The following PRR5L variants were observed in gnomAD, a reference collection of about 807,000 sequenced individuals.
PRR5L encodes proline rich 5 like.
Under a neutral mutation model 36.4 loss-of-function variants are expected in PRR5L, and 21 were observed. The observed-to-expected ratio is 0.58, with a 90% CI of 0.41 to 0.83. The LOEUF (loss-of-function observed/expected upper bound fraction) is 0.83. Ranked by LOEUF, PRR5L falls within the 40% of genes least tolerant of loss-of-function variation. PRR5L has a pLI of 0.00. For synonymous variants in PRR5L, 188 were observed against 197.0 expected (o/e 0.95, Z 0.38); for missense variants, 381 against 473.3 (o/e 0.80, Z 1.81).
intron 1 of PRR5L, among the ~76,000 whole-genome samples, chr11:36,397,676 C>T (rs1042903345): frequency 2.0e-5 from 3 of 151,850 alleles, no homozygotes; most frequent in African/African-American, 4.8e-5. Context: ...AGGCTGATCT[C>T]GAACTCCTGA....
At chr11:36,397,443 CTTTTTTTT>C (rs34024197) in intron 1 of PRR5L, among the ~76,000 whole-genome samples, 2 of 35,076 alleles carry the variant, frequency 5.7e-5, no homozygotes, top group Admixed American at 5.7e-4. Context: ...CAGCCGATGC[CTTTTTTTT>C]TTTTTTTTTT....
In PRR5L at chr11:36,379,906, A is replaced by G. The variant is rs569093765; in HGVS notation, c.-125-21091A>G. 1.0e-3 allele frequency among the ~76,000 whole-genome samples: 154 copies of G among 152,268 alleles called. 1 individual carries two copies. The highest frequency in any genetic ancestry group is 6.8e-3 in the Middle Eastern group (2 of 294). ...TGGTATTTGCGCCTCCCAACAACTC[A>G]GGTAGGAAGGTATTATTTTCTCTAT... On this transcript the variant is annotated intron_variant, in intron 1 of 8. Coordinates refer to ENST00000530639, the MANE Select transcript of PRR5L (RefSeq NM_001160167.2).
chr11:36,407,447 A>G (rs754963048), intron 3 of PRR5L, among the ~76,000 whole-genome samples: 4 of 152,216 alleles, frequency 2.6e-5, no homozygotes, highest in Non-Finnish European at 4.4e-5. Flanking sequence ...CTCACTTTGA[A>G]CTAGAGAGTC....
chr11:36,440,746 A>T (rs1043035189), intron 6 of PRR5L, among the ~76,000 whole-genome samples: 5 of 152,204 alleles, frequency 3.3e-5, no homozygotes, highest in Admixed American at 1.3e-4. Flanking sequence ...TGTAGGCTGA[A>T]CAAGAAGTGT....
chr11:36,353,018 C>G (rs1211224574), intron 1 of PRR5L, among the ~76,000 whole-genome samples: 1 of 152,186 alleles, frequency 6.6e-6, no homozygotes, highest in Non-Finnish European at 1.5e-5. Context: ...CAGACAGAGT[C>G]TTGCTCTGTC....
At chr11:36,388,698 C>CTTTTTTTTTT (rs36056659) in intron 1 of PRR5L, among the ~76,000 whole-genome samples, 16 of 109,142 alleles carry the variant, frequency 1.5e-4, no homozygotes, top group African/African-American at 3.6e-4. Flanking sequence ...CTCTTTCTTT[C>CTTTTTTTTTT]TTTTTTTTTT....
chr11:36,342,069 G>C (rs534940167), intron 1 of PRR5L, among the ~76,000 whole-genome samples: 1 of 152,236 alleles, frequency 6.6e-6, no homozygotes, highest in Non-Finnish European at 1.5e-5. Flanking sequence ...GTTTCTGAAC[G>C]TCTTGATGGA....
intron 1 of PRR5L, among the ~76,000 whole-genome samples, chr11:36,302,356 G>T (rs1382193999): frequency 6.6e-6 from 1 of 152,198 alleles, no homozygotes; most frequent in Admixed American, 6.5e-5. Context: ...GGAACAAAAA[G>T]ACATTTAACG....
At position 36,376,396 on chromosome 11, in the gene PRR5L, G is replaced by A; in HGVS notation, c.-125-24601G>A. On this transcript the variant is annotated intron_variant, in intron 1 of 8. Transcript: ENST00000530639. ...AGGAGGCGGCCGTAAGATGAGAGAG[G>A]AGGGAAACGTGTCACCAGCCCGGCT... 2.6e-6 allele frequency: 3 copies of A among 1,160,176 alleles called. No individual in the cohort carries two copies. The African/African-American group carries it at 4.9e-5, about 19-fold the overall frequency. 71.9% of individuals were successfully genotyped at this position (1,160,176 alleles called of 1,614,324 possible).
At position 36,336,567 on chromosome 11, in the gene PRR5L, C is replaced by T. The variant is rs117047800; in HGVS notation, c.-126+40129C>T. Among the ~76,000 whole-genome samples, 1,261 of 144,060 alleles carry T rather than the reference C, an allele frequency of 8.8e-3. 15 individuals are homozygous for T. The highest frequency in any genetic ancestry group is 0.032 in the Middle Eastern group (9 of 282). The allele number at this position is 144,060 out of a possible 152,430, so 94.5% of individuals were successfully genotyped here. A position where few individuals can be genotyped will look rare whatever the true frequency, so the allele number is the denominator to read the frequency against. On this transcript the variant is annotated intron_variant, in intron 1 of 8. Transcript: ENST00000530639. Reference sequence around the variant, plus strand: ...TTTTTTTTTTAAGGTATAATGCTAGCGCTGGTATGTCAGGGATTTTTCTGT... The same window carrying T: ...TTTTTTTTTTAAGGTATAATGCTAGTGCTGGTATGTCAGGGATTTTTCTGT...
chr11:36,361,883 T>C (rs1857092391), intron 1 of PRR5L, among the ~76,000 whole-genome samples: 1 of 152,090 alleles, frequency 6.6e-6, no homozygotes, highest in African/African-American at 2.4e-5. Flanking sequence ...CGAGCCTCTC[T>C]TCCCTCGAGG....
chr11:36,366,730 A>C (rs916608169), intron 1 of PRR5L, among the ~76,000 whole-genome samples: 24 of 152,160 alleles, frequency 1.6e-4, no homozygotes, highest in African/African-American at 5.3e-4. Context: ...CTAGGACGCT[A>C]AATTAGTGGT....
At chr11:36,426,632 G>A (rs943028239) in intron 4 of PRR5L, among the ~76,000 whole-genome samples, 2 of 152,230 alleles carry the variant, frequency 1.3e-5, no homozygotes, top group African/African-American at 4.8e-5. Flanking sequence ...ACACTTGCTA[G>A]TTGCTTCTTT....
At position 36,462,677 on chromosome 11, in the gene PRR5L, G is replaced by A. The variant is rs548423017; in HGVS notation, c.1048G>A (p.Glu350Lys). ...CATCACTGACAACCCTGACGGACTG[G>A]AGGAGGGGGCCAGGGGCAGCCAGGA... is the stretch of plus-strand genomic sequence containing the variant. ...PNITDNPDGL[E>K]EGARGSQEGS... Residue 350 changes from glutamate to lysine, a missense_variant, in exon 9 of 9, where the codon GAG becomes AAG. Coordinates refer to ENST00000530639, the MANE Select transcript of PRR5L (RefSeq NM_001160167.2). 3.1e-6 allele frequency: 5 copies of A among 1,607,448 alleles called. No homozygotes were observed. Among genetic ancestry groups the A allele is most frequent in the Middle Eastern group, 2.0e-4 (1 of 4,892 alleles).
intron 1 of PRR5L, among the ~76,000 whole-genome samples, chr11:36,337,560 G>A (rs1025432560): frequency 6.6e-6 from 1 of 152,192 alleles, no homozygotes; most frequent in African/African-American, 2.4e-5. Flanking sequence ...CCAATTCTTA[G>A]AATGGTTTTA....
chr11:36,376,150 G>A (rs1385225108), intron 1 of PRR5L: 1 of 1,304,716 alleles, frequency 7.7e-7, no homozygotes, highest in South Asian at 1.2e-5. Context: ...TGAAATTGTT[G>A]AACTGGATGT....
In PRR5L at chr11:36,437,334, G is replaced by A. The variant is rs371473458; in HGVS notation, c.353-51G>A. On this transcript the variant is annotated intron_variant, in intron 5 of 8. Coordinates refer to ENST00000530639, the MANE Select transcript of PRR5L (RefSeq NM_001160167.2). Reference sequence around the variant, plus strand: ...TCTTCTGGCCTCTCCTACAAGTAATGACGAATTCTTTTCTTTCTTCCTCCC... The same window carrying A: ...TCTTCTGGCCTCTCCTACAAGTAATAACGAATTCTTTTCTTTCTTCCTCCC... 120 of 1,201,124 alleles carry A rather than the reference G, an allele frequency of 1.0e-4. No individual in the cohort carries two copies. The African/African-American group carries it at 1.6e-3, about 16-fold the overall frequency. The allele number at this position is 1,201,124 out of a possible 1,614,324, so 74.4% of individuals were successfully genotyped here.
intron 3 of PRR5L, among the ~76,000 whole-genome samples, chr11:36,409,958 T>C (rs1375685772): frequency 6.6e-6 from 1 of 152,200 alleles, no homozygotes; most frequent in Non-Finnish European, 1.5e-5. Context: ...GAGCTGGCAT[T>C]ATCCAGATTT....
intron 3 of PRR5L, among the ~76,000 whole-genome samples, chr11:36,408,281 C>CA (rs67856480): frequency 0.016 from 2,275 of 138,412 alleles, 22 homozygotes; most frequent in South Asian, 0.029. Context: ...GAATTTGTCT[C>CA]AAAAAAAAAA....
Sources: allele counts gnomAD v4.1 joint callset (sites outside exome capture counted in the v4.1 genomes callset), GRCh38; gene constraint gnomAD v4.1.1; transcripts MANE v1.5; gene names NCBI Gene and HGNC (gene_info 2026-07-23, HGNC 2026-07-21).